Variants in RASAL2 observed in about 807,000 individuals in gnomAD.
RASAL2 encodes RAS protein activator like 2.
A neutral mutation model predicts 128.9 loss-of-function variants in RASAL2; 58 were observed. The observed-to-expected ratio is 0.45, with a 90% CI of 0.36 to 0.56. RASAL2 has a LOEUF of 0.56. Ranked by LOEUF, RASAL2 falls within the 20% of genes least tolerant of loss-of-function variation. RASAL2 has a pLI of 0.00. For synonymous variants in RASAL2, 561 were observed against 580.8 expected, an observed-to-expected ratio of 0.97 and a Z score of 0.49; for missense variants, 1,360 against 1,601.6, an observed-to-expected ratio of 0.85 and a Z score of 2.57.
At chr1:178,215,737 C>G (rs1439884687) in intron 1 of RASAL2, among the ~76,000 whole-genome samples, 1 of 152,100 alleles carries the variant, frequency 6.6e-6, no homozygotes, top group Non-Finnish European at 1.5e-5. Context: ...AATATGTCAG[C>G]TTTGACAATT....
At chr1:178,197,964 C>G (rs1662728444) in intron 1 of RASAL2, among the ~76,000 whole-genome samples, 6 of 152,124 alleles carry the variant, frequency 3.9e-5, no homozygotes, top group Admixed American at 3.9e-4. Flanking sequence ...GTTTTCTGTC[C>G]TTGGAATAGT....
At position 178,445,577 on chromosome 1, in the gene RASAL2, G is replaced by C; in HGVS notation, c.1542G>C (p.Leu514Phe). ...ATCGTTGTGGAGAGCATGATGTCTT[G>C]ATCTTCAGAGAGAACACTATTGCCA... ...EVDRCGEHDV[L>F]IFRENTIATK... The change falls in exon 9 of 18, where the codon TTG becomes TTC. Residue 514 changes from leucine to phenylalanine, a missense_variant. Physicochemically the swap from Leu to Phe is conservative, Grantham distance 22. Coordinates refer to ENST00000367649, the MANE Select transcript of RASAL2 (RefSeq NM_170692.4). 1 of 1,613,904 alleles carries C rather than the reference G, an allele frequency of 6.2e-7. No individual in the cohort carries two copies.
intron 4 of RASAL2, among the ~76,000 whole-genome samples, chr1:178,391,180 G>A (rs1672885390): frequency 6.6e-6 from 1 of 152,198 alleles, no homozygotes; most frequent in Non-Finnish European, 1.5e-5. Context: ...GGAGGCTGAG[G>A]TGGGAGGATT....
intron 1 of RASAL2, among the ~76,000 whole-genome samples, chr1:178,097,866 A>G (rs1193018300): frequency 1.3e-5 from 2 of 152,180 alleles, no homozygotes; most frequent in Non-Finnish European, 2.9e-5. Flanking sequence ...TTGTGTACAT[A>G]TGTATATATT....
intron 14 of RASAL2, among the ~76,000 whole-genome samples, chr1:178,460,007 T>C (rs992957682): frequency 2.0e-5 from 3 of 152,228 alleles, no homozygotes; most frequent in African/African-American, 7.2e-5. Flanking sequence ...TATTGTGAAG[T>C]AGTTTCCTCA....
At chr1:178,233,190 A>G (rs144659830) in intron 1 of RASAL2, among the ~76,000 whole-genome samples, 1 of 152,218 alleles carries the variant, frequency 6.6e-6, no homozygotes, top group South Asian at 2.1e-4. Flanking sequence ...TAAGCAGTCA[A>G]ATGTTTTGGA....
chr1:178,195,930 A>G (rs1018858539), intron 1 of RASAL2, among the ~76,000 whole-genome samples: 2 of 152,154 alleles, frequency 1.3e-5, no homozygotes, highest in Non-Finnish European at 2.9e-5. Flanking sequence ...TACCCATACT[A>G]TTCTAGAGAC....
intron 1 of RASAL2, among the ~76,000 whole-genome samples, chr1:178,245,785 C>A (rs141547571): frequency 6.6e-6 from 1 of 152,100 alleles, no homozygotes; most frequent in Non-Finnish European, 1.5e-5. Flanking sequence ...TTTCTGCATA[C>A]GGCTAGCCAG....
intron 5 of RASAL2, among the ~76,000 whole-genome samples, chr1:178,436,490 A>G (rs564090069): frequency 2.5e-4 from 38 of 152,116 alleles, no homozygotes; most frequent in Non-Finnish European, 4.7e-4. Flanking sequence ...TACAGTGAAA[A>G]AATAGTTTTC....
intron 1 of RASAL2, among the ~76,000 whole-genome samples, chr1:178,124,237 C>G (rs991869519): frequency 2.6e-5 from 4 of 152,042 alleles, no homozygotes; most frequent in African/African-American, 7.2e-5. Context: ...CTGTTCAATC[C>G]TTAGAGTGGT....
At chr1:178,167,137 C>T (rs1404481816) in intron 1 of RASAL2, among the ~76,000 whole-genome samples, 2 of 152,082 alleles carry the variant, frequency 1.3e-5, no homozygotes, top group African/African-American at 4.8e-5. Flanking sequence ...TCAGAGTTTT[C>T]TTTAGGCTTT....
At chr1:178,127,745 T>G (rs192062684) in intron 1 of RASAL2, among the ~76,000 whole-genome samples, 29 of 152,196 alleles carry the variant, frequency 1.9e-4, no homozygotes, top group African/African-American at 3.9e-4. Flanking sequence ...ATCTAGACTT[T>G]TCATACATGT....
At chr1:178,330,038 A>G (rs936696802) in intron 3 of RASAL2, among the ~76,000 whole-genome samples, 5 of 152,170 alleles carry the variant, frequency 3.3e-5, no homozygotes. Flanking sequence ...TTGGTTAATT[A>G]TATTGTTGAC....
chr1:178,188,918 A>G (rs1662398893), intron 1 of RASAL2, among the ~76,000 whole-genome samples: 1 of 152,142 alleles, frequency 6.6e-6, no homozygotes, highest in South Asian at 2.1e-4. Context: ...TGATGGGACC[A>G]CTGAGTTCAC....
Position 178,473,391 on chromosome 1 carries a change from C to A in RASAL2, c.*152C>A. 1.0e-6 allele frequency: 1 copy of A among 1,004,272 alleles called. No homozygotes were observed. The highest frequency in any genetic ancestry group is 1.4e-6 in the Non-Finnish European group (1 of 695,442). 62.2% of individuals were successfully genotyped at this position (1,004,272 alleles called of 1,614,324 possible). ...GAATGAAGAAAGGAACCTTGTCTTT[C>A]AGGGCATAAGGCGGCGACTTCCAAG... On this transcript the variant is annotated 3_prime_UTR_variant, in exon 18 of 18. Coordinates refer to ENST00000367649, the MANE Select transcript of RASAL2 (RefSeq NM_170692.4).
chr1:178,445,749 T>G (rs1676955621), intron 9 of RASAL2, 87 bp downstream of exon 9: 11 of 1,369,846 alleles, frequency 8.0e-6, no homozygotes, highest in Non-Finnish European at 1.1e-5. Flanking sequence ...GAGCTCAAAT[T>G]CTGCATGTTA....
intron 1 of RASAL2, among the ~76,000 whole-genome samples, chr1:178,277,373 A>G (rs1406800509): frequency 3.3e-5 from 5 of 152,084 alleles, no homozygotes; most frequent in African/African-American, 1.2e-4. Flanking sequence ...TGACCAGGCT[A>G]GCCTCAAACT....
chr1:178,405,826 G>T (rs1673967938), intron 4 of RASAL2, among the ~76,000 whole-genome samples: 1 of 152,148 alleles, frequency 6.6e-6, no homozygotes, highest in Admixed American at 6.5e-5. Context: ...TTAGAATTAG[G>T]GCTGTGTTTA....
At chr1:178,448,360 G>A (rs1370407036) in intron 9 of RASAL2, among the ~76,000 whole-genome samples, 2 of 152,186 alleles carry the variant, frequency 1.3e-5, no homozygotes, top group African/African-American at 4.8e-5. Context: ...CAGGAGGAAA[G>A]GAGGCAGGCT....
Sources: allele counts gnomAD v4.1 joint callset (sites outside exome capture counted in the v4.1 genomes callset), GRCh38; gene constraint gnomAD v4.1.1; transcripts MANE v1.5; gene names NCBI Gene and HGNC (gene_info 2026-07-23, HGNC 2026-07-21).